LCLAT1: variants seen among roughly 807,000 people sequenced by gnomAD.
LCLAT1 encodes lysocardiolipin acyltransferase 1.
Under a neutral mutation model 30.7 loss-of-function variants are expected in LCLAT1, and 11 were observed. The ratio of observed to expected loss-of-function variants is 0.36; its 90% CI spans 0.23 to 0.59. The LOEUF (loss-of-function observed/expected upper bound fraction) is 0.59, where lower values mean the gene tolerates loss of function less well. Ranked by LOEUF, LCLAT1 falls within the 20% of genes least tolerant of loss-of-function variation. LCLAT1 has a pLI of 0.77. For missense variants in LCLAT1, 402 were observed against 458.6 expected, an observed-to-expected ratio of 0.88 and a Z score of 1.13; for synonymous variants, 155 against 151.3, an observed-to-expected ratio of 1.02 and a Z score of -0.18.
At chr2:30,616,019 GAGTT>G (rs756478966) in intron 5 of LCLAT1, among the ~76,000 whole-genome samples, 2 of 152,170 alleles carry the variant, frequency 1.3e-5, no homozygotes, top group Non-Finnish European at 2.9e-5. Flanking sequence ...GGTCTCCACT[GAGTT>G]AGTCTTCACA....
chr2:30,626,466 A>AT (rs1408765183), intron 5 of LCLAT1, among the ~76,000 whole-genome samples: 1 of 152,158 alleles, frequency 6.6e-6, no homozygotes, highest in Non-Finnish European at 1.5e-5. Context: ...ACGTGTGTAG[A>AT]TTCATGTTTT....
At chr2:30,463,105 A>G (rs965414091) in intron 1 of LCLAT1, among the ~76,000 whole-genome samples, 1 of 152,082 alleles carries the variant, frequency 6.6e-6, no homozygotes, top group Non-Finnish European at 1.5e-5. Flanking sequence ...TCTCTTAATA[A>G]AAAAAGTCAA....
chr2:30,518,042 GAAGA>G (rs1305221263), intron 1 of LCLAT1, among the ~76,000 whole-genome samples: 1 of 152,184 alleles, frequency 6.6e-6, no homozygotes, highest in Admixed American at 6.5e-5. Flanking sequence ...TTTGCTAGCA[GAAGA>G]AAGTAGAAGA....
At position 30,640,237 on chromosome 2, in the gene LCLAT1, A is replaced by T; in HGVS notation, c.749A>T (p.Tyr250Phe). 6.2e-7 allele frequency: 1 copy of T among 1,614,048 alleles called. No homozygotes were observed. Among genetic ancestry groups the T allele is most frequent in the South Asian group, 1.1e-5 (1 of 91,070 alleles). The change falls in exon 6 of 6, where the codon TAT (tyrosine) becomes TTT (phenylalanine). Residue 250 changes from tyrosine to phenylalanine, a missense_variant. Tyr to Phe is a conservative substitution (Grantham distance 22). Coordinates refer to ENST00000379509, the MANE Select transcript of LCLAT1 (RefSeq NM_001002257.3). ...GAAATCCACTTTCACGTCCACCGGT[A>T]TCCAATAGACACCCTCCCCACATCC... ...PREIHFHVHR[Y>F]PIDTLPTSKE...
chr2:30,520,005 G>T (rs1223965570), intron 1 of LCLAT1, among the ~76,000 whole-genome samples: 2 of 152,182 alleles, frequency 1.3e-5, no homozygotes, highest in Non-Finnish European at 2.9e-5. Context: ...TCAGGTAGAG[G>T]CTCGCCATTG....
chr2:30,475,155 C>T (rs1394817301), intron 1 of LCLAT1, among the ~76,000 whole-genome samples: 1 of 151,578 alleles, frequency 6.6e-6, no homozygotes, highest in Non-Finnish European at 1.5e-5. Context: ...GTGCCACCAC[C>T]ACTGGTTAAT....
intron 3 of LCLAT1, among the ~76,000 whole-genome samples, chr2:30,558,777 A>G (rs955033157): frequency 6.6e-6 from 1 of 152,162 alleles, no homozygotes; most frequent in African/African-American, 2.4e-5. Flanking sequence ...CAATTGGTAT[A>G]ATCACTTTGA....
intron 5 of LCLAT1, among the ~76,000 whole-genome samples, chr2:30,626,356 G>A (rs1668508780): frequency 6.6e-6 from 1 of 152,120 alleles, no homozygotes; most frequent in African/African-American, 2.4e-5. Context: ...TGCCCTGTCT[G>A]AAAAATGATA....
In LCLAT1 at chr2:30,519,725, T is replaced by C. The variant is rs116312512; in HGVS notation, c.-4-5862T>C. 7.0e-3 allele frequency among the ~76,000 whole-genome samples: 1,060 copies of C among 152,286 alleles called. 11 individuals carry two copies. Among genetic ancestry groups the C allele is most frequent in the African/African-American group, 0.024 (1,006 of 41,550 alleles). On this transcript the variant is annotated intron_variant, in intron 1 of 5. Transcript: ENST00000379509. ...GAGAGCACCCGGGGAGGGACAGTGA[T>C]CAGGATATAAACCCAGGCATTCGAA...
intron 1 of LCLAT1, among the ~76,000 whole-genome samples, chr2:30,520,851 T>C (rs1361582721): frequency 1.5e-4 from 23 of 152,236 alleles, no homozygotes; most frequent in Admixed American, 1.5e-3. Context: ...AAATATACTT[T>C]CTATGGATTT....
intron 1 of LCLAT1, among the ~76,000 whole-genome samples, chr2:30,487,389 A>G (rs1683610270): frequency 6.6e-6 from 1 of 152,214 alleles, no homozygotes; most frequent in Admixed American, 6.5e-5. Context: ...AATAAATTGA[A>G]ACAAACATAA....
At chr2:30,452,054 A>C (rs950503717) in intron 1 of LCLAT1, among the ~76,000 whole-genome samples, 1 of 152,230 alleles carries the variant, frequency 6.6e-6, no homozygotes, top group Non-Finnish European at 1.5e-5. Flanking sequence ...AGAAGTCAGA[A>C]TAGTGATTAC....
Position 30,644,098 on chromosome 2 carries a change from T to A in LCLAT1, c.*3479T>A, listed in dbSNP as rs1017886854. Reference sequence around the variant, plus strand: ...AATTCATTTTTTTTTAAGATCATTATGTGCAAAACACCAAGTTTTAAAAAT... The same window carrying A: ...AATTCATTTTTTTTTAAGATCATTAAGTGCAAAACACCAAGTTTTAAAAAT... On this transcript the variant is annotated 3_prime_UTR_variant, in exon 6 of 6. Transcript: ENST00000379509. 2 of 152,240 alleles carry A rather than the reference T, an allele frequency of 1.3e-5. No homozygotes were observed. The highest frequency in any genetic ancestry group is 4.8e-5 in the African/African-American group (2 of 41,460). 9.4% of individuals were successfully genotyped at this position (152,240 alleles called of 1,614,324 possible).
rs969610141 is a variant in LCLAT1 at position 30,448,427 on chromosome 2, G to C, written c.-5+1044G>C. On this transcript the variant is annotated intron_variant, in intron 1 of 5. Coordinates refer to ENST00000379509, the MANE Select transcript of LCLAT1 (RefSeq NM_001002257.3). ...AGGTTTCTGTTGCACATTGTACTTTGATATGCTTGATATGACAGATAAGCA... is the reference window on the plus strand; with the variant it reads ...AGGTTTCTGTTGCACATTGTACTTTCATATGCTTGATATGACAGATAAGCA... Among the ~76,000 whole-genome samples, 5 of 152,312 alleles carry C rather than the reference G, an allele frequency of 3.3e-5. No individual in the cohort carries two copies. The East Asian group carries it at 7.7e-4, about 23-fold the overall frequency.
chr2:30,619,962 T>A (rs549020229), intron 5 of LCLAT1, among the ~76,000 whole-genome samples: 24 of 152,346 alleles, frequency 1.6e-4, no homozygotes, highest in African/African-American at 5.8e-4. Flanking sequence ...TACTGAGTAA[T>A]TCACTCTGTC....
intron 5 of LCLAT1, among the ~76,000 whole-genome samples, chr2:30,608,644 C>G (rs1667583115): frequency 6.6e-6 from 1 of 152,114 alleles, no homozygotes. Context: ...ATATTCAGTA[C>G]AGTAACATGC....
In LCLAT1 at chr2:30,641,617, A is replaced by T. The variant is rs992981469; in HGVS notation, c.*998A>T. On this transcript the variant is annotated 3_prime_UTR_variant, in exon 6 of 6. Transcript: ENST00000379509. ...AGACAGGGCAGTAATGGTTTATCCT[A>T]AATTACTCAACCCCTTGTAGCCTTG... The T allele has an allele frequency of 6.6e-6, 1 of 152,228 alleles. No individual in the cohort carries two copies. The highest frequency in any genetic ancestry group is 1.5e-5 in the Non-Finnish European group (1 of 68,048). The allele number at this position is 152,228 out of a possible 1,614,324, so 9.4% of individuals were successfully genotyped here.
At chr2:30,585,036 A>C (rs754510859) in intron 5 of LCLAT1, among the ~76,000 whole-genome samples, 5 of 151,828 alleles carry the variant, frequency 3.3e-5, no homozygotes, top group Non-Finnish European at 7.4e-5. Flanking sequence ...GTTGTAGCCA[A>C]GTTACAGTCT....
At position 30,525,626 on chromosome 2, in the gene LCLAT1, T is replaced by C. The variant is rs1558496731; in HGVS notation, c.36T>C (p.Thr12=). ...VSWKGIYFIL[T]LFWGSFFGSI... ...GGAAAGGGATTTACTTTATACTGAC[T>C]CTGTTTTGGGGAAGCTTTTTTGGAA... Residue 12 remains threonine, a synonymous_variant, in exon 2 of 6, where the codon ACT becomes ACC. Transcript: ENST00000379509. 6.2e-7 allele frequency: 1 copy of C among 1,613,996 alleles called. No individual in the cohort carries two copies. Among genetic ancestry groups the C allele is most frequent in the African/African-American group, 1.3e-5 (1 of 75,064 alleles).
Sources: gnomAD v4.1 joint callset for allele counts (sites outside exome capture counted in the v4.1 genomes callset) on GRCh38, gnomAD v4.1.1 for gene constraint, MANE v1.5 for transcripts, NCBI Gene and HGNC (gene_info 2026-07-23, HGNC 2026-07-21) for gene names.